DIP2B: variants seen among roughly 807,000 people sequenced by gnomAD.
DIP2B encodes disco-interacting protein 2 homolog B.
A neutral mutation model predicts 198.0 loss-of-function variants in DIP2B; 76 were observed. That is an observed-to-expected ratio of 0.38 (90% CI 0.32 to 0.46). The LOEUF is 0.46. Among genes scored for constraint, DIP2B ranks in the 20% least tolerant of loss-of-function variants. The probability of loss-of-function intolerance (pLI) is 0.99; values close to 1 mark genes in which losing one functional copy is unlikely to be tolerated. For synonymous variants in DIP2B, 701 were observed against 739.1 expected, an observed-to-expected ratio of 0.95 and a Z score of 0.84; for missense variants, 1,559 against 1,978.4, an observed-to-expected ratio of 0.79 and a Z score of 4.02.
At chr12:50,672,417 C>T (rs539683165) in intron 5 of DIP2B, among the ~76,000 whole-genome samples, 36 of 152,190 alleles carry the variant, frequency 2.4e-4, no homozygotes, top group Non-Finnish European at 4.9e-4. Context: ...ACCACCTCTC[C>T]AGTCGTGGAG....
At chr12:50,562,100 A>G (rs750929893) in intron 1 of DIP2B, among the ~76,000 whole-genome samples, 6 of 152,234 alleles carry the variant, frequency 3.9e-5, no homozygotes, top group Non-Finnish European at 8.8e-5. Flanking sequence ...CTAAAGTGAC[A>G]GTAAATTATT....
intron 1 of DIP2B, among the ~76,000 whole-genome samples, chr12:50,617,578 G>A (rs1326968516): frequency 6.6e-6 from 1 of 152,044 alleles, no homozygotes; most frequent in Non-Finnish European, 1.5e-5. Flanking sequence ...GGAGGCCAAG[G>A]CAGGTGGATC....
chr12:50,540,964 T>C (rs1958319707), intron 1 of DIP2B, among the ~76,000 whole-genome samples: 1 of 152,244 alleles, frequency 6.6e-6, no homozygotes, highest in South Asian at 2.1e-4. Flanking sequence ...GACATTATGA[T>C]TAAAAAATTC....
intron 1 of DIP2B, among the ~76,000 whole-genome samples, chr12:50,587,487 T>G (rs907503780): frequency 2.6e-5 from 4 of 152,220 alleles, no homozygotes; most frequent in African/African-American, 9.7e-5. Context: ...CATTTTTCAT[T>G]AGGCAGCTTG....
At chr12:50,519,247 G>A (rs1417374768) in intron 1 of DIP2B, among the ~76,000 whole-genome samples, 1 of 152,072 alleles carries the variant, frequency 6.6e-6, no homozygotes, top group Non-Finnish European at 1.5e-5. Context: ...GGCAAGATGT[G>A]ACTTTTATTT....
rs1381901045 is a variant in DIP2B, at chr12:50,698,405, T to G, written c.2126T>G (p.Val709Gly). 6.2e-7 allele frequency: 1 copy of G among 1,612,712 alleles called. No homozygotes were observed. The highest frequency in any genetic ancestry group is 1.7e-5 in the Admixed American group (1 of 59,868). ...MNGLSYGVIR[V>G]NTEDKNSALT... The stretch of plus-strand genomic sequence containing the variant: ...GGATTGAGCTATGGGGTAATACGGG[T>G]CAATACTGAAGATAAAAATTCAGCA... Residue 709 changes from valine to glycine, a missense_variant, in exon 18 of 38, where the codon GTC (valine) becomes GGC (glycine). By Grantham distance (109) the Val-to-Gly change is moderately radical. Transcript: ENST00000301180.
At chr12:50,674,440 T>C (rs758701393) in intron 5 of DIP2B, 34 bp from the exon 6 acceptor site, 40 of 1,612,506 alleles carry the variant, frequency 2.5e-5, no homozygotes, top group Non-Finnish European at 3.2e-5. Context: ...GTTTTGCTGC[T>C]AATATAATTC....
intron 25 of DIP2B, among the ~76,000 whole-genome samples, chr12:50,720,745 C>T (rs902476429): frequency 3.9e-5 from 6 of 152,264 alleles, no homozygotes; most frequent in African/African-American, 1.4e-4. Flanking sequence ...GCTGTGATTA[C>T]ATCACTGCAC....
intron 3 of DIP2B, among the ~76,000 whole-genome samples, chr12:50,644,501 A>G (rs1483640068): frequency 6.6e-6 from 1 of 152,230 alleles, no homozygotes; most frequent in South Asian, 2.1e-4. Flanking sequence ...GAGATGTCCA[A>G]AGTCACTTGT....
At chr12:50,629,367 G>A (rs2139473980) in intron 2 of DIP2B, among the ~76,000 whole-genome samples, 1 of 152,254 alleles carries the variant, frequency 6.6e-6, no homozygotes, top group South Asian at 2.1e-4. Flanking sequence ...TTAATACACA[G>A]ACTGCAGGGC....
rs1301926734 is a variant in DIP2B, at chr12:50,683,156, A to C, written c.1225A>C (p.Asn409His). 6.2e-7 allele frequency: 1 copy of C among 1,610,976 alleles called. No homozygotes were observed. The highest frequency in any genetic ancestry group is 8.5e-7 in the Non-Finnish European group (1 of 1,179,136). ...PGDRVALVYP[N>H]NDPVMFMVAF... ...ATTTTAGGTAGCCCTGGTTTACCCCAACAATGATCCAGTCATGTTTATGGT... is the reference window on the plus strand; with the variant it reads ...ATTTTAGGTAGCCCTGGTTTACCCCCACAATGATCCAGTCATGTTTATGGT... Residue 409 changes from asparagine (N) to histidine (H), a missense_variant, in exon 10 of 38, where the codon AAC (asparagine) becomes CAC (histidine). Asn to His is a moderately conservative substitution (Grantham distance 68). Transcript: ENST00000301180.
At chr12:50,619,148 C>T (rs1392524359) in intron 1 of DIP2B, among the ~76,000 whole-genome samples, 1 of 152,040 alleles carries the variant, frequency 6.6e-6, no homozygotes, top group African/African-American at 2.4e-5. Context: ...GCAGCTGTAA[C>T]CCTTGCTCTC....
chr12:50,680,961 A>G (rs1478977961), intron 9 of DIP2B, among the ~76,000 whole-genome samples, 198 bp downstream of exon 9: 1 of 152,228 alleles, frequency 6.6e-6, no homozygotes, highest in Non-Finnish European at 1.5e-5. Context: ...GTTGAAGGAA[A>G]TTCGCATGTC....
chr12:50,608,454 T>A (rs1169593850), intron 1 of DIP2B, among the ~76,000 whole-genome samples: 2 of 151,626 alleles, frequency 1.3e-5, no homozygotes, highest in South Asian at 4.2e-4. Flanking sequence ...AAACTCTGTT[T>A]CTACTGAAAA....
At chr12:50,546,456 T>C (rs1227015387) in intron 1 of DIP2B, among the ~76,000 whole-genome samples, 2 of 152,350 alleles carry the variant, frequency 1.3e-5, no homozygotes, top group East Asian at 3.9e-4. Flanking sequence ...TGTCACTGAA[T>C]AGTAATTGTT....
chr12:50,520,033 TC>T (rs1958101994), intron 1 of DIP2B, among the ~76,000 whole-genome samples: 1 of 131,062 alleles, frequency 7.6e-6, no homozygotes, highest in Non-Finnish European at 1.6e-5. Context: ...TCATTGAATC[TC>T]CTTTTTTTTT....
At chr12:50,579,882 C>T (rs1256122208) in intron 1 of DIP2B, among the ~76,000 whole-genome samples, 1 of 151,058 alleles carries the variant, frequency 6.6e-6, no homozygotes, top group Non-Finnish European at 1.5e-5. Context: ...TGAGATTGGC[C>T]TGGTAGGTGT....
intron 30 of DIP2B, among the ~76,000 whole-genome samples, chr12:50,730,714 G>A (rs891521521): frequency 5.3e-5 from 8 of 152,026 alleles, no homozygotes; most frequent in East Asian, 1.9e-4. Context: ...ATTTCTGATC[G>A]CTTCAAACAT....
intron 22 of DIP2B, among the ~76,000 whole-genome samples, chr12:50,709,586 C>T (rs1171976521): frequency 1.3e-5 from 2 of 151,092 alleles, no homozygotes; most frequent in African/African-American, 4.9e-5. Context: ...TGCAGTGAGC[C>T]GAGATCGCGC....
Sources: gnomAD v4.1 joint callset for allele counts (sites outside exome capture counted in the v4.1 genomes callset) on GRCh38, gnomAD v4.1.1 for gene constraint, MANE v1.5 for transcripts, NCBI Gene and HGNC (gene_info 2026-07-23, HGNC 2026-07-21) for gene names.